The following FGF14 variants were observed in gnomAD, a reference collection of about 807,000 sequenced individuals.
FGF14 encodes the protein fibroblast growth factor homologous factor 4.
Under a neutral mutation model 25.5 loss-of-function variants are expected in FGF14, and 5 were observed. The ratio of observed to expected loss-of-function variants is 0.20; its 90% CI spans 0.10 to 0.41. The LOEUF (loss-of-function observed/expected upper bound fraction) is 0.41. Among genes scored for constraint, FGF14 ranks in the 10% least tolerant of loss-of-function variants. The pLI is 1.00. For synonymous variants in FGF14, 138 were observed against 118.3 expected, an observed-to-expected ratio of 1.17 and a Z score of -1.08; for missense variants, 222 against 320.1, an observed-to-expected ratio of 0.69 and a Z score of 2.34.
At chr13:102,062,446 G>A (rs2042730155) in intron 1 of FGF14, among the ~76,000 whole-genome samples, 1 of 152,120 alleles carries the variant, frequency 6.6e-6, no homozygotes, top group Admixed American at 6.5e-5. Context: ...GAAGCTAACA[G>A]TTACTAAGTT....
intron 1 of FGF14, among the ~76,000 whole-genome samples, chr13:102,160,788 G>A (rs752404289): frequency 1.2e-4 from 19 of 152,004 alleles, no homozygotes; most frequent in Non-Finnish European, 2.5e-4. Context: ...GAATGCTCAC[G>A]GTTGGCCACA....
chr13:101,800,908 A>G (rs1395613169), intron 3 of FGF14, among the ~76,000 whole-genome samples: 1 of 152,116 alleles, frequency 6.6e-6, no homozygotes, highest in Non-Finnish European at 1.5e-5. Flanking sequence ...GCCATCCTGA[A>G]CCTTCATATC....
At chr13:102,126,388 C>A (rs1372721438) in intron 1 of FGF14, among the ~76,000 whole-genome samples, 1 of 152,170 alleles carries the variant, frequency 6.6e-6, no homozygotes, top group African/African-American at 2.4e-5. Context: ...TGTTGTAGAA[C>A]TTCACTCATG....
At chr13:102,356,842 C>T (rs562223525) in intron 1 of FGF14, among the ~76,000 whole-genome samples, 1 of 151,070 alleles carries the variant, frequency 6.6e-6, no homozygotes, top group African/African-American at 2.4e-5. Flanking sequence ...CTGACATGGA[C>T]TTCTGAGACT....
At chr13:101,916,399 T>C in intron 1 of FGF14, 54 bp downstream of exon 1, 1 of 1,601,090 alleles carries the variant, frequency 6.2e-7, no homozygotes, top group Non-Finnish European at 8.6e-7. Context: ...AAGCTCCGTT[T>C]AGGCGGGGAG....
chr13:102,154,274 G>C (rs2047217828), intron 1 of FGF14, among the ~76,000 whole-genome samples: 1 of 151,920 alleles, frequency 6.6e-6, no homozygotes, highest in Non-Finnish European at 1.5e-5. Context: ...GAGAAAAGTT[G>C]GGTTACCCAC....
intron 1 of FGF14, among the ~76,000 whole-genome samples, chr13:102,301,826 T>TCACACA (rs3066038): frequency 0.086 from 12,093 of 139,926 alleles, 566 homozygotes; most frequent in East Asian, 0.11. Context: ...TTCCTGTACT[T>TCACACA]CACACACACA....
chr13:101,951,097 T>C (rs902929733), intron 1 of FGF14, among the ~76,000 whole-genome samples: 2 of 152,178 alleles, frequency 1.3e-5, no homozygotes, highest in African/African-American at 2.4e-5. Flanking sequence ...TGGTGAAATT[T>C]ATACTACAAA....
At chr13:102,157,377 T>C (rs2047394356) in intron 1 of FGF14, among the ~76,000 whole-genome samples, 1 of 152,166 alleles carries the variant, frequency 6.6e-6, no homozygotes, top group African/African-American at 2.4e-5. Flanking sequence ...ATCTGATCTT[T>C]GACAAACCTG....
intron 1 of FGF14, among the ~76,000 whole-genome samples, chr13:102,387,231 T>C (rs774628630): frequency 1.3e-5 from 2 of 152,234 alleles, no homozygotes; most frequent in Admixed American, 1.3e-4. Flanking sequence ...CTTTATAAAT[T>C]TTGTGTCATT....
At chr13:101,894,837 GT>G (rs1177400106) in intron 1 of FGF14, among the ~76,000 whole-genome samples, 9 of 152,080 alleles carry the variant, frequency 5.9e-5, no homozygotes, top group Non-Finnish European at 1.0e-4. Flanking sequence ...CTCTTTATTA[GT>G]CACCTTCAAC....
intron 3 of FGF14, among the ~76,000 whole-genome samples, chr13:101,789,480 C>T (rs571314435): frequency 7.9e-4 from 121 of 152,274 alleles, no homozygotes; most frequent in Middle Eastern, 3.4e-3. Context: ...ATGCCCCTTA[C>T]GCTCTGCTAA....
chr13:101,727,997 T>C (rs2035557180), intron 3 of FGF14, among the ~76,000 whole-genome samples: 1 of 152,196 alleles, frequency 6.6e-6, no homozygotes, highest in Non-Finnish European at 1.5e-5. Context: ...GTATACCTGT[T>C]CTGAAAAATA....
chr13:102,124,597 T>A (rs905836329), intron 1 of FGF14, among the ~76,000 whole-genome samples: 2 of 152,118 alleles, frequency 1.3e-5, no homozygotes, highest in Non-Finnish European at 2.9e-5. Context: ...TGGATACAGT[T>A]CTGGAAATGT....
Position 102,115,807 on chromosome 13 carries a change from C to T in FGF14, c.209-240511G>A, listed in dbSNP as rs111270124. Among the ~76,000 whole-genome samples, 5 of 104,574 alleles carry T rather than the reference C, an allele frequency of 4.8e-5. 1 individual carries two copies. Among genetic ancestry groups the T allele is most frequent in the African/African-American group, 2.4e-4 (5 of 20,484 alleles). 68.6% of individuals were successfully genotyped at this position (104,574 alleles called of 152,430 possible). The stretch of plus-strand genomic sequence containing the variant: ...ACGATTTACCCATGTAACAAATGAA[C>T]CAAAAATAAAGTAGAAAAAAACAGC... On this transcript the variant is annotated intron_variant, in intron 1 of 4. Transcript: ENST00000376131.
chr13:102,153,326 G>A (rs2047174136), intron 1 of FGF14, among the ~76,000 whole-genome samples: 1 of 152,152 alleles, frequency 6.6e-6, no homozygotes, highest in Non-Finnish European at 1.5e-5. Context: ...AAAGATGATG[G>A]CAATTGATCT....
At chr13:102,314,745 A>C (rs909449699) in intron 1 of FGF14, among the ~76,000 whole-genome samples, 1 of 152,148 alleles carries the variant, frequency 6.6e-6, no homozygotes, top group African/African-American at 2.4e-5. Flanking sequence ...TTCTGCTATC[A>C]GGAAAAAAAG....
At chr13:101,842,456 G>A (rs1000304366) in intron 3 of FGF14, among the ~76,000 whole-genome samples, 4 of 152,032 alleles carry the variant, frequency 2.6e-5, no homozygotes, top group Non-Finnish European at 5.9e-5. Context: ...AAGGGCAGGA[G>A]TGCTTATGGC....
At chr13:102,030,081 T>C (rs879342475) in intron 1 of FGF14, among the ~76,000 whole-genome samples, 2 of 152,116 alleles carry the variant, frequency 1.3e-5, no homozygotes, top group Non-Finnish European at 2.9e-5. Flanking sequence ...TTAGCTACAC[T>C]AGGTAACTGT....
Sources: allele counts gnomAD v4.1 joint callset (sites outside exome capture counted in the v4.1 genomes callset), GRCh38; gene constraint gnomAD v4.1.1; transcripts MANE v1.5; gene names NCBI Gene and HGNC (gene_info 2026-07-23, HGNC 2026-07-21).